MTSS1: variants seen among roughly 807,000 people sequenced by gnomAD.
The protein encoded by MTSS1 is protein MTSS 1.
Under a neutral mutation model 79.0 loss-of-function variants are expected in MTSS1, and 18 were observed. The observed-to-expected ratio is 0.23, with a 90% confidence interval of 0.16 to 0.34. The LOEUF (loss-of-function observed/expected upper bound fraction) is 0.34, where lower values mean the gene tolerates loss of function less well. MTSS1 is among the 10% of genes least tolerant of loss of function. MTSS1 has a pLI of 1.00. For synonymous variants in MTSS1, 341 were observed against 368.6 expected (o/e 0.93, Z 0.86); for missense variants, 815 against 986.2 (o/e 0.83, Z 2.33).
chr8:124,564,542 C>T (rs2131996829), intron 9 of MTSS1, among the ~76,000 whole-genome samples: 1 of 152,258 alleles, frequency 6.6e-6, no homozygotes, highest in Non-Finnish European at 1.5e-5. Flanking sequence ...ACAGCAACTC[C>T]ACCCCGGCAG....
At chr8:124,629,022 T>C (rs1442959765) in intron 3 of MTSS1, among the ~76,000 whole-genome samples, 1 of 152,166 alleles carries the variant, frequency 6.6e-6, no homozygotes, top group Non-Finnish European at 1.5e-5. Flanking sequence ...AATGAGTTAA[T>C]CATGAGAGCT....
chr8:124,652,921 G>A (rs543324422), intron 3 of MTSS1, among the ~76,000 whole-genome samples: 16 of 152,082 alleles, frequency 1.1e-4, no homozygotes, highest in Non-Finnish European at 1.8e-4. Flanking sequence ...TCATCAACCC[G>A]TGAAAGGTTA....
chr8:124,727,522 C>T lies in MTSS1; in HGVS notation c.72+362G>A. The stretch of plus-strand genomic sequence containing the variant: ...CCCGTGCCCGGAGGAATCAGGTGTC[C>T]TCCCGGGCATCCAGCCCCCGCGGGT... On this transcript the variant is annotated intron_variant, in intron 1 of 13. Transcript: ENST00000518547. This position sits in a 1 kb window ranked among gnomAD's most constrained non-coding sequence, Gnocchi z 4.7. 2.1e-6 allele frequency: 1 copy of T among 471,078 alleles called. No individual in the cohort carries two copies. The highest frequency in any genetic ancestry group is 4.2e-6 in the Non-Finnish European group (1 of 237,226). The allele number at this position is 471,078 out of a possible 1,614,324, so 29.2% of individuals were successfully genotyped here. A position where few individuals can be genotyped will look rare whatever the true frequency, so the allele number is the denominator to read the frequency against.
chr8:124,673,036 C>G (rs1467119818), intron 3 of MTSS1, among the ~76,000 whole-genome samples: 1 of 152,220 alleles, frequency 6.6e-6, no homozygotes, highest in East Asian at 1.9e-4. Flanking sequence ...TTCAGGGTAA[C>G]CCCAAGCTTG....
chr8:124,725,011 C>A (rs117127725), intron 1 of MTSS1, among the ~76,000 whole-genome samples: 7,791 of 152,230 alleles, frequency 0.051, 286 homozygotes, highest in South Asian at 0.075. Context: ...GGAAAGGCAG[C>A]CAGTAGGTGA....
chr8:124,664,206 T>A (rs1210356556), intron 3 of MTSS1, among the ~76,000 whole-genome samples: 1 of 152,026 alleles, frequency 6.6e-6, no homozygotes, highest in Non-Finnish European at 1.5e-5. Flanking sequence ...TTCCCAGGGG[T>A]GGTTTCATGA....
intron 3 of MTSS1, among the ~76,000 whole-genome samples, chr8:124,675,017 C>T (rs926645057): frequency 1.3e-5 from 2 of 152,192 alleles, no homozygotes; most frequent in Non-Finnish European, 1.5e-5. Flanking sequence ...CCACCATGTC[C>T]GGCCCTCTTA....
intron 3 of MTSS1, among the ~76,000 whole-genome samples, chr8:124,634,085 A>G (rs1816530300): frequency 6.6e-6 from 1 of 150,992 alleles, no homozygotes; most frequent in South Asian, 2.1e-4. Flanking sequence ...AATATAGACC[A>G]GTCCTTATTT....
rs77059653 is a variant in MTSS1 at position 124,561,472 on chromosome 8, C to G, written c.1035+1310G>C. Among the ~76,000 whole-genome samples the G allele has an allele frequency of 6.8e-3, 1,032 of 152,296 alleles. 8 individuals carry two copies. Among genetic ancestry groups the G allele is most frequent in the Non-Finnish European group, 0.011 (749 of 68,020 alleles). ...CCCTAGAGTTGCTAGCCACGCATGTCTTGGGCACAGGTTTTCAGATTTAAG... is the reference window on the plus strand; with the variant it reads ...CCCTAGAGTTGCTAGCCACGCATGTGTTGGGCACAGGTTTTCAGATTTAAG... On this transcript the variant is annotated intron_variant, in intron 10 of 13. Coordinates refer to ENST00000518547, the MANE Select transcript of MTSS1 (RefSeq NM_014751.6).
chr8:124,715,504 C>T (rs761637925), intron 1 of MTSS1, among the ~76,000 whole-genome samples: 5 of 152,186 alleles, frequency 3.3e-5, no homozygotes, highest in South Asian at 4.1e-4. Flanking sequence ...GCGCTATACA[C>T]GCTTAGTGTG....
At chr8:124,598,036 G>C (rs1833069176) in intron 3 of MTSS1, among the ~76,000 whole-genome samples, 1 of 152,174 alleles carries the variant, frequency 6.6e-6, no homozygotes, top group South Asian at 2.1e-4. Flanking sequence ...ACTCTGGAAG[G>C]CTGAGGCAGG....
intron 3 of MTSS1, among the ~76,000 whole-genome samples, chr8:124,634,973 T>C (rs1816727336): frequency 6.6e-6 from 1 of 152,244 alleles, no homozygotes; most frequent in African/African-American, 2.4e-5. Flanking sequence ...CTTAATGCAC[T>C]TTTTGTTTTG....
At chr8:124,623,463 G>A (rs1452597517) in intron 3 of MTSS1, among the ~76,000 whole-genome samples, 5 of 152,114 alleles carry the variant, frequency 3.3e-5, no homozygotes, top group Admixed American at 6.5e-5. Flanking sequence ...AAAAGAGTTA[G>A]ATGCCCTGGC....
At chr8:124,701,245 A>G (rs1587881152) in intron 2 of MTSS1, among the ~76,000 whole-genome samples, 1 of 152,302 alleles carries the variant, frequency 6.6e-6, no homozygotes, top group African/African-American at 2.4e-5. Context: ...TCAAAAAGAA[A>G]GAGAAAAGAA....
chr8:124,599,754 T>C (rs1833451056), intron 3 of MTSS1, among the ~76,000 whole-genome samples: 1 of 152,068 alleles, frequency 6.6e-6, no homozygotes, highest in Non-Finnish European at 1.5e-5. Flanking sequence ...TATTCCCATC[T>C]GTCTCCTCTT....
intron 11 of MTSS1, 93 bp from the exon 12 acceptor site, chr8:124,556,498 G>A: frequency 7.2e-7 from 1 of 1,380,386 alleles, no homozygotes; most frequent in South Asian, 1.5e-5. Flanking sequence ...GAAGGCAGCT[G>A]GTCCCCTTAA....
intron 3 of MTSS1, among the ~76,000 whole-genome samples, chr8:124,648,710 C>CG (rs1188453969): frequency 9.4e-6 from 1 of 106,752 alleles, no homozygotes; most frequent in African/African-American, 6.9e-5. Flanking sequence ...CAAATAGCAG[C>CG]CCCCCCCCAG....
chr8:124,674,048 G>A (rs1435354451), intron 3 of MTSS1, among the ~76,000 whole-genome samples: 4 of 152,162 alleles, frequency 2.6e-5, no homozygotes, highest in Non-Finnish European at 4.4e-5. Context: ...CGGTCACCTC[G>A]GAGGGCACAA....
At chr8:124,719,599 A>T (rs767959160) in intron 1 of MTSS1, among the ~76,000 whole-genome samples, 15 of 152,240 alleles carry the variant, frequency 9.9e-5, no homozygotes, top group Non-Finnish European at 2.1e-4. Flanking sequence ...AGCACCTGAC[A>T]TGCAGTAGAC....
Sources: allele counts gnomAD v4.1 joint callset (sites outside exome capture counted in the v4.1 genomes callset), GRCh38; gene constraint gnomAD v4.1.1; non-coding constraint Gnocchi (gnomAD v3.1); transcripts MANE v1.5; gene names NCBI Gene and HGNC (gene_info 2026-07-23, HGNC 2026-07-21).